ANK3: variants seen among roughly 807,000 people sequenced by gnomAD.
ANK3 encodes ankyrin 3, also known as ankyrin-3.
Under a neutral mutation model 370.9 loss-of-function variants are expected in ANK3, and 57 were observed. The ratio of observed to expected loss-of-function variants is 0.15; its 90% CI spans 0.12 to 0.19. ANK3 has a LOEUF of 0.19. ANK3 is among the 10% of genes least tolerant of loss of function. The pLI is 1.00. For missense variants in ANK3, 4,439 were observed against 5,302.1 expected, an observed-to-expected ratio of 0.84 and a Z score of 5.06; for synonymous variants, 1,929 against 1,946.3, an observed-to-expected ratio of 0.99 and a Z score of 0.23.
chr10:60,275,245 G>A (rs2132690206), intron 4 of ANK3, among the ~76,000 whole-genome samples: 1 of 152,294 alleles, frequency 6.6e-6, no homozygotes, highest in African/African-American at 2.4e-5. Context: ...GCTGTTTGAA[G>A]TCTGATTTTA....
At chr10:60,652,584 G>GT (rs1412639092) in intron 1 of ANK3, among the ~76,000 whole-genome samples, 1 of 151,102 alleles carries the variant, frequency 6.6e-6, no homozygotes, top group Non-Finnish European at 1.5e-5. Context: ...ATTAAGAACA[G>GT]TATTAGTCAA....
chr10:60,473,999 G>A (rs2074989650), intron 2 of ANK3, among the ~76,000 whole-genome samples: 1 of 149,772 alleles, frequency 6.7e-6, no homozygotes, highest in Admixed American at 6.6e-5. Flanking sequence ...CAAGCATGGT[G>A]GTGCACACCT....
At chr10:60,108,739 G>T in intron 27 of ANK3, 91 bp downstream of exon 27, 1 of 1,109,732 alleles carries the variant, frequency 9.0e-7, no homozygotes, top group Non-Finnish European at 1.3e-6. Context: ...CAACTAAGCA[G>T]TTTTAAGAGT....
At chr10:60,681,826 A>G (rs2079199535) in intron 1 of ANK3, among the ~76,000 whole-genome samples, 1 of 152,218 alleles carries the variant, frequency 6.6e-6, no homozygotes, top group Non-Finnish European at 1.5e-5. Context: ...TAAAAGACAG[A>G]GAAAGGACAG....
intron 2 of ANK3, among the ~76,000 whole-genome samples, chr10:60,565,529 C>T (rs1322646579): frequency 2.0e-5 from 3 of 152,174 alleles, no homozygotes; most frequent in Non-Finnish European, 4.4e-5. Flanking sequence ...AACCCCAGGT[C>T]GAAAATGATG....
intron 43 of ANK3, among the ~76,000 whole-genome samples, chr10:60,030,637 C>G (rs1386493430): frequency 1.3e-5 from 2 of 152,148 alleles, no homozygotes; most frequent in Non-Finnish European, 2.9e-5. Flanking sequence ...GCCTTGGCGT[C>G]ACCCCATTGC....
intron 1 of ANK3, among the ~76,000 whole-genome samples, chr10:60,665,594 A>G (rs916761173): frequency 3.3e-5 from 5 of 152,228 alleles, no homozygotes; most frequent in African/African-American, 1.2e-4. Context: ...TGTCTTCAGT[A>G]TCTGTTTTAA....
chr10:60,252,913 ACCATGTCTTGAGCCCTTGC>A (rs2097689278), intron 7 of ANK3, among the ~76,000 whole-genome samples: 1 of 152,096 alleles, frequency 6.6e-6, no homozygotes, highest in African/African-American at 2.4e-5. Flanking sequence ...GACAACCATC[ACCATGTCTTGAGCCCTTGC>A]CCATGTCTTG....
chr10:60,082,096 G>A, intron 35 of ANK3, 54 bp downstream of exon 35: 2 of 1,448,596 alleles, frequency 1.4e-6, no homozygotes, highest in Non-Finnish European at 1.9e-6. Context: ...CTGTCATACA[G>A]ATTCAATTTC....
chr10:60,404,741 G>C (rs1214231685), intron 2 of ANK3, among the ~76,000 whole-genome samples: 1 of 152,092 alleles, frequency 6.6e-6, no homozygotes, highest in Admixed American at 6.5e-5. Flanking sequence ...AAAATTTAAA[G>C]CTTCTGCACT....
chr10:60,205,593 T>C (rs924241837), intron 11 of ANK3, among the ~76,000 whole-genome samples, 199 bp downstream of exon 11: 2 of 152,192 alleles, frequency 1.3e-5, no homozygotes, highest in African/African-American at 4.8e-5. Flanking sequence ...GGTGATACAT[T>C]TGCATCAAAC....
chr10:60,690,163 G>T (rs747373191), intron 1 of ANK3, among the ~76,000 whole-genome samples: 4 of 152,234 alleles, frequency 2.6e-5, no homozygotes, highest in Non-Finnish European at 5.9e-5. Context: ...CTCCCAGCAA[G>T]ATCAAAGCAG....
At chr10:60,507,778 G>A (rs973779886) in intron 2 of ANK3, 1 of 151,936 alleles carries the variant, frequency 6.6e-6, no homozygotes, top group African/African-American at 2.4e-5. Context: ...AAAGGATTTA[G>A]CTATAACAGT....
intron 23 of ANK3, among the ~76,000 whole-genome samples, chr10:60,147,177 T>C (rs2094869241): frequency 6.6e-6 from 1 of 152,198 alleles, no homozygotes; most frequent in Non-Finnish European, 1.5e-5. Flanking sequence ...TTCCTGCATG[T>C]AGCCCAGGAA....
At chr10:60,294,351 G>A (rs1348736615) in intron 1 of ANK3, among the ~76,000 whole-genome samples, 1 of 152,162 alleles carries the variant, frequency 6.6e-6, no homozygotes, top group Non-Finnish European at 1.5e-5. Context: ...GCCCAGAGGA[G>A]TTGAAGGGTG....
chr10:60,617,213 G>A (rs1373835247), intron 1 of ANK3, among the ~76,000 whole-genome samples: 1 of 152,050 alleles, frequency 6.6e-6, no homozygotes, highest in Non-Finnish European at 1.5e-5. Flanking sequence ...TCTGCTCTGG[G>A]CTTCTATGCT....
intron 40 of ANK3, chr10:60,059,945 G>A (rs1376079251): frequency 1.2e-6 from 2 of 1,613,842 alleles, no homozygotes; most frequent in South Asian, 1.1e-5. Flanking sequence ...GCTGGAAAGG[G>A]GTAGGTGGTG....
intron 2 of ANK3, among the ~76,000 whole-genome samples, chr10:60,468,144 C>T (rs1480385798): frequency 6.6e-6 from 1 of 151,912 alleles, no homozygotes; most frequent in African/African-American, 2.4e-5. Context: ...ACCACCACGC[C>T]CAGCTAATTT....
rs1555186003 is a variant in ANK3, at chr10:60,240,306, A to ATTTTTTTT, written c.799-5528_799-5521dup. ...CATATATATATATATATATATATAT[A>ATTTTTTTT]TTTTTTTTTCTTTTTGAGATAGAGT... On this transcript the variant is annotated intron_variant, in intron 7 of 43. Coordinates refer to ENST00000280772, the MANE Select transcript of ANK3 (RefSeq NM_020987.5). 1.2e-3 allele frequency among the ~76,000 whole-genome samples: 142 copies of ATTTTTTTT among 119,742 alleles called. 6 individuals carry two copies. The highest frequency in any genetic ancestry group is 2.3e-3 in the South Asian group (9 of 3,902). The allele number at this position is 119,742 out of a possible 152,430, so 78.6% of individuals were successfully genotyped here.
Sources: gnomAD v4.1 joint callset for allele counts (sites outside exome capture counted in the v4.1 genomes callset) on GRCh38, gnomAD v4.1.1 for gene constraint, MANE v1.5 for transcripts, NCBI Gene and HGNC (gene_info 2026-07-23, HGNC 2026-07-21) for gene names.